NSUN6: variants seen among roughly 807,000 people sequenced by gnomAD.
The protein encoded by NSUN6 is NOP2/Sun RNA methyltransferase 6, also known as tRNA (cytosine(72)-C(5))-methyltransferase NSUN6.
NSUN6 carries 64 observed loss-of-function variants against 58.0 expected under a neutral mutation model. The observed-to-expected ratio is 1.10, with a 90% CI of 0.90 to 1.36. The LOEUF (loss-of-function observed/expected upper bound fraction) is 1.36. Ranked by LOEUF, NSUN6 falls within the 40% of genes most tolerant of loss-of-function variation. NSUN6 has a pLI of 0.00. For missense variants in NSUN6, 701 were observed against 550.1 expected (o/e 1.27, Z -2.74); for synonymous variants, 231 against 193.9 (o/e 1.19, Z -1.59).
At chr10:18,637,108 A>G (rs1188369270) in intron 3 of NSUN6, among the ~76,000 whole-genome samples, 1 of 151,702 alleles carries the variant, frequency 6.6e-6, no homozygotes, top group Non-Finnish European at 1.5e-5. Context: ...GATTATAGGC[A>G]TGCACCACCA....
Position 18,585,971 on chromosome 10 carries a change from A to T in NSUN6, c.900T>A (p.Leu300=), listed in dbSNP as rs146101662. ...CACCTTCTGTGTCCTCCACCATATCAAGTTTAACCGCCTTTGTTCCATCAA... is the reference window on the plus strand; with the variant it reads ...CACCTTCTGTGTCCTCCACCATATCTAGTTTAACCGCCTTTGTTCCATCAA... ...FCFDGTKAVK[L]DMVEDTEGEP... is the part of the protein sequence containing the mutation. The change falls in exon 8 of 11, where the codon CTT becomes CTA. Residue 300 remains leucine, a synonymous_variant. Transcript: ENST00000377304. The T allele has an allele frequency of 1.0e-5, 16 of 1,607,362 alleles. No homozygotes were observed. The African/African-American group carries it at 2.0e-4, about 20-fold the overall frequency.
chr10:18,594,976 C>T (rs563470645), intron 7 of NSUN6, among the ~76,000 whole-genome samples: 2 of 152,308 alleles, frequency 1.3e-5, no homozygotes, highest in Non-Finnish European at 1.5e-5. Flanking sequence ...TCTCTGCCAT[C>T]ACCAGCCCCC....
At chr10:18,625,097 A>G (rs572817630) in intron 3 of NSUN6, among the ~76,000 whole-genome samples, 1 of 152,288 alleles carries the variant, frequency 6.6e-6, no homozygotes, top group South Asian at 2.1e-4. Flanking sequence ...ATGGGACCTC[A>G]CTGAGACAGC....
chr10:18,617,410 A>T (rs1361239334), intron 3 of NSUN6, among the ~76,000 whole-genome samples: 1 of 151,540 alleles, frequency 6.6e-6, no homozygotes, highest in East Asian at 1.9e-4. Context: ...TGGGTCTCGA[A>T]CTCCTGACCT....
intron 4 of NSUN6, 91 bp from the exon 5 acceptor site, chr10:18,614,704 G>A: frequency 1.9e-6 from 1 of 516,664 alleles, no homozygotes; most frequent in Non-Finnish European, 3.1e-6. Context: ...ATCTCTAGAG[G>A]CATCAATAGT....
rs376884075 is a variant in NSUN6 at position 18,617,210 on chromosome 10, C to A, written c.312-917G>T. 2.7e-3 allele frequency among the ~76,000 whole-genome samples: 365 copies of A among 133,130 alleles called. 1 individual carries two copies. Among genetic ancestry groups the A allele is most frequent in the African/African-American group, 9.4e-3 (344 of 36,424 alleles). 87.3% of individuals were successfully genotyped at this position (133,130 alleles called of 152,430 possible). ...GTTTTTTTTTTTTTTTTTTTTGAGA[C>A]CAAGTCTTTCTCTGTCACCCAAGCT... On this transcript the variant is annotated intron_variant, in intron 3 of 10. Transcript: ENST00000377304.
intron 3 of NSUN6, among the ~76,000 whole-genome samples, chr10:18,638,538 TC>T (rs1392335184): frequency 2.6e-5 from 4 of 151,972 alleles, no homozygotes; most frequent in Non-Finnish European, 5.9e-5. Context: ...TAACTAAAAA[TC>T]CCACAGGTCT....
At chr10:18,637,870 T>G (rs1213375326) in intron 3 of NSUN6, among the ~76,000 whole-genome samples, 1 of 152,240 alleles carries the variant, frequency 6.6e-6, no homozygotes, top group Admixed American at 6.5e-5. Flanking sequence ...TTGCAGAATA[T>G]TATCATCTTT....
intron 2 of NSUN6, among the ~76,000 whole-genome samples, chr10:18,644,576 C>A (rs143791550): frequency 6.6e-6 from 1 of 151,298 alleles, no homozygotes; most frequent in African/African-American, 2.4e-5. Context: ...GTGGCTCATG[C>A]CTGTAATCCC....
upstream of NSUN6, among the ~76,000 whole-genome samples, chr10:18,655,985 A>G (rs191696030): frequency 3.9e-5 from 6 of 152,318 alleles, no homozygotes; most frequent in East Asian, 1.2e-3. Context: ...TCAGGATATT[A>G]TGGCTTCTCT....
At chr10:18,590,495 C>A (rs1267119334) in intron 7 of NSUN6, among the ~76,000 whole-genome samples, 2 of 152,184 alleles carry the variant, frequency 1.3e-5, no homozygotes, top group Non-Finnish European at 2.9e-5. Context: ...AACTCGACCA[C>A]ATAACTGGGA....
chr10:18,652,397 T>C, upstream of NSUN6: 1 of 983,984 alleles, frequency 1.0e-6, no homozygotes, highest in Non-Finnish European at 1.2e-6. Context: ...TAGGAAAGGG[T>C]TTTTTATTGT....
intron 5 of NSUN6, among the ~76,000 whole-genome samples, chr10:18,611,502 A>C (rs1189013917): frequency 1.3e-5 from 2 of 152,174 alleles, no homozygotes; most frequent in Admixed American, 1.3e-4. Flanking sequence ...TGGTATGACT[A>C]TAAACTCCCC....
chr10:18,554,621 A>AGAATG (rs1052115221), intron 8 of NSUN6, among the ~76,000 whole-genome samples: 1 of 151,228 alleles, frequency 6.6e-6, no homozygotes, highest in African/African-American at 2.4e-5. Context: ...AAAGGACTGG[A>AGAATG]GAATGGAATG....
rs531796712 is a variant in NSUN6 at position 18,604,916 on chromosome 10, C to T, written c.657+4929G>A. On this transcript the variant is annotated intron_variant, in intron 6 of 10. Transcript: ENST00000377304. ...TTTTTTTCTTTTTGAGACGGAGTCTCACACTGTCACCCAGGCTGGAGTGCA... is the reference window on the plus strand; with the variant it reads ...TTTTTTTCTTTTTGAGACGGAGTCTTACACTGTCACCCAGGCTGGAGTGCA... Among the ~76,000 whole-genome samples the T allele has an allele frequency of 2.0e-5, 3 of 148,540 alleles. No individual in the cohort carries two copies. In the South Asian group the frequency reaches 6.5e-4, roughly 32 times the overall value.
At chr10:18,564,034 C>T (rs1744766307) in intron 8 of NSUN6, among the ~76,000 whole-genome samples, 1 of 150,950 alleles carries the variant, frequency 6.6e-6, no homozygotes, top group South Asian at 2.1e-4. Context: ...TTACATTTTA[C>T]ATTCCATTCT....
intron 3 of NSUN6, among the ~76,000 whole-genome samples, chr10:18,630,631 A>AC: frequency 1.3e-5 from 2 of 152,250 alleles, no homozygotes; most frequent in Non-Finnish European, 2.9e-5. Context: ...AAACACCTCT[A>AC]AGCAAATAAA....
chr10:18,635,224 A>G (rs1317455872), intron 3 of NSUN6, among the ~76,000 whole-genome samples: 1 of 152,154 alleles, frequency 6.6e-6, no homozygotes, highest in Admixed American at 6.6e-5. Context: ...ATGGGACCTC[A>G]CTGAGACAGC....
At chr10:18,635,589 T>C (rs1268642794) in intron 3 of NSUN6, among the ~76,000 whole-genome samples, 2 of 152,096 alleles carry the variant, frequency 1.3e-5, no homozygotes, top group East Asian at 3.9e-4. Flanking sequence ...GTAATCCCAG[T>C]ACTTTGGGAA....
Sources: gnomAD v4.1 joint callset for allele counts (sites outside exome capture counted in the v4.1 genomes callset) on GRCh38, gnomAD v4.1.1 for gene constraint, MANE v1.5 for transcripts, NCBI Gene and HGNC (gene_info 2026-07-23, HGNC 2026-07-21) for gene names.